SEZ6L: variants seen among roughly 807,000 people sequenced by gnomAD.
The protein encoded by SEZ6L is seizure related 6 homolog like, also known as seizure 6-like protein.
SEZ6L carries 37 observed loss-of-function variants against 106.2 expected under a neutral mutation model. The ratio of observed to expected loss-of-function variants is 0.35; its 90% confidence interval spans 0.27 to 0.46. The LOEUF (loss-of-function observed/expected upper bound fraction) is 0.46. SEZ6L is among the 20% of genes least tolerant of loss of function. The pLI, the probability that SEZ6L is intolerant of heterozygous loss-of-function variation, is 1.00. For missense variants in SEZ6L, 1,172 were observed against 1,332.8 expected (o/e 0.88, Z 1.88); for synonymous variants, 541 against 570.4 (o/e 0.95, Z 0.73).
intron 1 of SEZ6L, among the ~76,000 whole-genome samples, chr22:26,258,270 C>T (rs1941129): frequency 0.22 from 33,698 of 151,872 alleles, 4,006 homozygotes; most frequent in African/African-American, 0.3. Flanking sequence ...GGCACCGCAC[C>T]AGGCACTGAG....
At chr22:26,354,033 C>T (rs1032329397) in intron 12 of SEZ6L, among the ~76,000 whole-genome samples, 19 of 151,390 alleles carry the variant, frequency 1.3e-4, no homozygotes, top group African/African-American at 3.4e-4. Flanking sequence ...CTTGATTGGA[C>T]AGAGTGTCTT....
At chr22:26,220,914 TG>T (rs2078447751) in intron 1 of SEZ6L, among the ~76,000 whole-genome samples, 1 of 151,338 alleles carries the variant, frequency 6.6e-6, no homozygotes, top group Non-Finnish European at 1.5e-5. Flanking sequence ...GATGGATGGA[TG>T]GATGGATGGA....
At chr22:26,345,697 G>A (rs5761490) in intron 10 of SEZ6L, among the ~76,000 whole-genome samples, 1 of 152,224 alleles carries the variant, frequency 6.6e-6, no homozygotes, top group African/African-American at 2.4e-5. Context: ...CCATTGCTTA[G>A]TTCTCAGAAT....
chr22:26,295,283 A>G (rs2081269539), intron 3 of SEZ6L, among the ~76,000 whole-genome samples: 1 of 152,232 alleles, frequency 6.6e-6, no homozygotes, highest in Non-Finnish European at 1.5e-5. Flanking sequence ...ATTTGGTCAG[A>G]GCCCAGCAGA....
At chr22:26,379,441 G>A (rs1300591779) in intron 16 of SEZ6L, among the ~76,000 whole-genome samples, 1 of 152,244 alleles carries the variant, frequency 6.6e-6, no homozygotes, top group Non-Finnish European at 1.5e-5. Context: ...CCACCTTGGG[G>A]CCTGCCCACC....
intron 1 of SEZ6L, among the ~76,000 whole-genome samples, chr22:26,281,370 CTTTCTTTT>C (rs1271983140): frequency 1.4e-5 from 2 of 143,712 alleles, no homozygotes; most frequent in African/African-American, 5.3e-5. Flanking sequence ...TTCTTTCTTT[CTTTCTTTT>C]TTTTTTTTTT....
intron 1 of SEZ6L, among the ~76,000 whole-genome samples, chr22:26,275,469 AGTCAAAGAGCACCTATATT>A (rs946720184): frequency 2.0e-5 from 3 of 152,186 alleles, no homozygotes; most frequent in Admixed American, 6.5e-5. Context: ...CCCCATCATA[AGTCAAAGAGCACCTATATT>A]GTCATTCCTC....
intron 1 of SEZ6L, among the ~76,000 whole-genome samples, chr22:26,235,668 A>C: frequency 6.6e-6 from 1 of 152,202 alleles, no homozygotes; most frequent in East Asian, 1.9e-4. Flanking sequence ...AAGAGAAGGC[A>C]TTCTAAGCCA....
chr22:26,199,008 T>C (rs560753455), intron 1 of SEZ6L, among the ~76,000 whole-genome samples: 8 of 151,760 alleles, frequency 5.3e-5, no homozygotes, highest in African/African-American at 1.9e-4. Flanking sequence ...ATAAGCAGAG[T>C]CATTGGAAAC....
At chr22:26,220,778 G>C (rs2078441642) in intron 1 of SEZ6L, among the ~76,000 whole-genome samples, 1 of 152,128 alleles carries the variant, frequency 6.6e-6, no homozygotes, top group Non-Finnish European at 1.5e-5. Flanking sequence ...CTTAGCATGG[G>C]GTTTAGCACC....
intron 9 of SEZ6L, among the ~76,000 whole-genome samples, chr22:26,323,010 G>A (rs975957731): frequency 5.3e-5 from 8 of 152,202 alleles, no homozygotes; most frequent in South Asian, 2.1e-4. Context: ...TGAAGGCATC[G>A]TAGAATAGAA....
rs141137516 is a variant in SEZ6L at position 26,235,245 on chromosome 22, C to G, written c.95-57161C>G. Among the ~76,000 whole-genome samples the G allele has an allele frequency of 8.7e-4, 133 of 152,290 alleles. 2 individuals carry two copies. In the East Asian group the frequency reaches 0.024, roughly 27 times the overall value. Reference sequence around the variant, plus strand: ...TTTAATAGCATCCCTGGCCTCTTCTCAATGGATGCCAGTAGCACCTCCTCC... The same window carrying G: ...TTTAATAGCATCCCTGGCCTCTTCTGAATGGATGCCAGTAGCACCTCCTCC... On this transcript the variant is annotated intron_variant, in intron 1 of 16. Coordinates refer to ENST00000248933, the MANE Select transcript of SEZ6L (RefSeq NM_021115.5).
Position 26,187,274 on chromosome 22 carries a change from A to T in SEZ6L, c.94+17511A>T, listed in dbSNP as rs1187563043. 2.0e-5 allele frequency among the ~76,000 whole-genome samples: 3 copies of T among 152,212 alleles called. No homozygotes were observed. In the East Asian group the frequency reaches 5.8e-4, roughly 29 times the overall value. Reference sequence around the variant, plus strand: ...AGTGAAGGGGGAAAAGCCCCTTCTCAGGCCTTGTGAGAACTCACTCACTAT... The same window carrying T: ...AGTGAAGGGGGAAAAGCCCCTTCTCTGGCCTTGTGAGAACTCACTCACTAT... On this transcript the variant is annotated intron_variant, in intron 1 of 16. Coordinates refer to ENST00000248933, the MANE Select transcript of SEZ6L (RefSeq NM_021115.5).
intron 1 of SEZ6L, among the ~76,000 whole-genome samples, chr22:26,238,525 G>T (rs889347029): frequency 6.6e-6 from 1 of 152,186 alleles, no homozygotes; most frequent in East Asian, 1.9e-4. Flanking sequence ...GGAGTAAAAC[G>T]CAGGCACTGC....
In SEZ6L at chr22:26,301,798, G is replaced by A. The variant is rs114466879; in HGVS notation, c.1348+2629G>A. ...ACATGCTAAGGTTCAGAGGTCAGAA[G>A]GAACTCGATGAGTTTGAGAAAGCAA... is the stretch of plus-strand genomic sequence containing the variant. On this transcript the variant is annotated intron_variant, in intron 5 of 16. Coordinates refer to ENST00000248933, the MANE Select transcript of SEZ6L (RefSeq NM_021115.5). Among the ~76,000 whole-genome samples, 246 of 152,312 alleles carry A rather than the reference G, an allele frequency of 1.6e-3. 2 individuals are homozygous for A. Among genetic ancestry groups the A allele is most frequent in the African/African-American group, 5.7e-3 (237 of 41,570 alleles).
intron 1 of SEZ6L, among the ~76,000 whole-genome samples, chr22:26,232,733 G>A (rs1191003157): frequency 3.3e-5 from 5 of 152,184 alleles, no homozygotes. Context: ...TTGTGCAAAT[G>A]CACTCTCTCA....
At chr22:26,306,580 T>C (rs1279440182) in intron 6 of SEZ6L, among the ~76,000 whole-genome samples, 3 of 152,146 alleles carry the variant, frequency 2.0e-5, no homozygotes, top group African/African-American at 7.2e-5. Context: ...CGTATGCACA[T>C]GAAAGAATGA....
intron 1 of SEZ6L, among the ~76,000 whole-genome samples, chr22:26,184,597 G>A (rs753667073): frequency 6.6e-6 from 1 of 152,246 alleles, no homozygotes; most frequent in East Asian, 1.9e-4. Flanking sequence ...CTCAAGAAAT[G>A]TATACTCCCT....
chr22:26,209,604 A>G (rs1040991527), intron 1 of SEZ6L, among the ~76,000 whole-genome samples: 2 of 151,032 alleles, frequency 1.3e-5, no homozygotes, highest in Admixed American at 1.3e-4. Context: ...GAAAAAAGGA[A>G]AGAAGGAGGG....
Sources: gnomAD v4.1 joint callset for allele counts (sites outside exome capture counted in the v4.1 genomes callset) on GRCh38, gnomAD v4.1.1 for gene constraint, MANE v1.5 for transcripts, NCBI Gene and HGNC (gene_info 2026-07-23, HGNC 2026-07-21) for gene names.